The following CHST10 variants were observed in gnomAD, a reference collection of about 807,000 sequenced individuals.
CHST10 encodes the protein HNK-1 sulfotransferase.
CHST10 carries 24 observed loss-of-function variants against 34.7 expected under a neutral mutation model. That is an observed-to-expected ratio of 0.69 (90% CI 0.50 to 0.97). CHST10 has a LOEUF of 0.97. Ranked by LOEUF, CHST10 falls within the 50% of genes least tolerant of loss-of-function variation. The probability of loss-of-function intolerance (pLI) is 0.00; values close to 1 mark genes in which losing one functional copy is unlikely to be tolerated. For synonymous variants in CHST10, 161 were observed against 169.3 expected, an observed-to-expected ratio of 0.95 and a Z score of 0.38; for missense variants, 402 against 452.1, an observed-to-expected ratio of 0.89 and a Z score of 1.00.
At chr2:100,406,775 C>T (rs1212959501) in intron 2 of CHST10, 68 bp from the exon 3 acceptor site, 14 of 1,570,040 alleles carry the variant, frequency 8.9e-6, no homozygotes, top group South Asian at 5.8e-5. Flanking sequence ...GGAATGAAAA[C>T]GACAGGTGAT....
At chr2:100,406,533 G>C in intron 3 of CHST10, 43 bp downstream of exon 3, 6 of 1,611,250 alleles carry the variant, frequency 3.7e-6, no homozygotes, top group Non-Finnish European at 5.1e-6. Flanking sequence ...TTGCAGCTAG[G>C]TCTAAATTAG....
At chr2:100,398,390 T>C (rs1488549983) in intron 4 of CHST10, among the ~76,000 whole-genome samples, 1 of 150,804 alleles carries the variant, frequency 6.6e-6, no homozygotes, top group Non-Finnish European at 1.5e-5. Context: ...CCTCAGATCT[T>C]TGGAGAGAAG....
At chr2:100,402,111 A>G (rs890818282) in intron 4 of CHST10, among the ~76,000 whole-genome samples, 1 of 152,186 alleles carries the variant, frequency 6.6e-6, no homozygotes, top group African/African-American at 2.4e-5. Context: ...ACTCCATGGG[A>G]CTGTGGAGGA....
chr2:100,393,803 G>C, intron 6 of CHST10, 21 bp from the exon 7 acceptor site: 1 of 1,592,744 alleles, frequency 6.3e-7, no homozygotes, highest in Non-Finnish European at 8.5e-7. Context: ...AAACGAACAA[G>C]AGGTTAACTT....
intron 2 of CHST10, among the ~76,000 whole-genome samples, chr2:100,409,493 G>C (rs2104234814): frequency 6.6e-6 from 1 of 152,162 alleles, no homozygotes; most frequent in Admixed American, 6.5e-5. Context: ...GCTTCTTTCA[G>C]CTGGGCGGGG....
In CHST10 at chr2:100,393,241, T is replaced by C; in HGVS notation, c.*4A>G. 6.2e-7 allele frequency: 1 copy of C among 1,613,932 alleles called. No individual in the cohort carries two copies. The highest frequency in any genetic ancestry group is 1.7e-5 in the Admixed American group (1 of 59,980). On this transcript the variant is annotated 3_prime_UTR_variant, in exon 7 of 7. Coordinates refer to ENST00000264249, the MANE Select transcript of CHST10 (RefSeq NM_004854.5). ...AAGATATTTGAATTCATAGGTCTTA[T>C]GCATTAGTTTAGCAAAAAGTCTGGT...
chr2:100,413,080 A>G (rs543484410), intron 2 of CHST10, among the ~76,000 whole-genome samples: 9 of 152,250 alleles, frequency 5.9e-5, no homozygotes, highest in African/African-American at 2.2e-4. Flanking sequence ...AAGGCTCATT[A>G]TTTCTGTCTA....
intron 2 of CHST10, chr2:100,407,667 C>T (rs964173684): frequency 6.6e-6 from 1 of 152,204 alleles, no homozygotes; most frequent in Admixed American, 6.5e-5. Flanking sequence ...CTCTCCTTGT[C>T]TCAACATTTA....
In CHST10 at chr2:100,402,606, C is replaced by T. The variant is rs911227901; in HGVS notation, c.150G>A (p.Val50=). Residue 50 remains valine, a synonymous_variant, in exon 4 of 7, where the codon GTG becomes GTA. Transcript: ENST00000264249. ...TGTGCTTCTCTTCTGGCAACTTCCT[C>T]ACTTCCGGCATGGTTGTCAGGAACA... ...EFLFLTTMPE[V]RKLPEEKHIP... is the part of the protein sequence containing the mutation. 9 of 1,613,892 alleles carry T rather than the reference C, an allele frequency of 5.6e-6. No individual in the cohort carries two copies. Among genetic ancestry groups the T allele is most frequent in the Non-Finnish European group, 7.6e-6 (9 of 1,179,922 alleles).
intron 3 of CHST10, among the ~76,000 whole-genome samples, chr2:100,404,583 T>C (rs61057466): frequency 0.017 from 2,541 of 152,318 alleles, 20 homozygotes; most frequent in African/African-American, 0.03. Flanking sequence ...GGCCTACCCC[T>C]GCTTAGCTTC....
At chr2:100,417,057 C>G (rs1054269124) in intron 1 of CHST10, 40 of 1,304,078 alleles carry the variant, frequency 3.1e-5, no homozygotes, top group Non-Finnish European at 3.7e-5. Context: ...TGAACCCTTT[C>G]TTCCTCTCTC....
chr2:100,393,614 C>T lies in CHST10; in HGVS notation c.702G>A (p.Gly234=). The stretch of plus-strand genomic sequence containing the variant: ...AGCGCACGAAATCTTCAAACTGGAT[C>T]CCCCGGGTCTCTGTCCGGTTCCTCC... ...KYRRNRTETR[G]IQFEDFVRYL... is the part of the protein sequence containing the mutation. Residue 234 remains glycine (G), a synonymous_variant, in exon 7 of 7, where the codon GGG becomes GGA. Coordinates refer to ENST00000264249, the MANE Select transcript of CHST10 (RefSeq NM_004854.5). 1 of 1,614,146 alleles carries T rather than the reference C, an allele frequency of 6.2e-7. No individual in the cohort carries two copies. Among genetic ancestry groups the T allele is most frequent in the Non-Finnish European group, 8.5e-7 (1 of 1,180,020 alleles).
At chr2:100,411,821 T>C (rs1367083493) in intron 2 of CHST10, among the ~76,000 whole-genome samples, 1 of 152,044 alleles carries the variant, frequency 6.6e-6, no homozygotes, top group Non-Finnish European at 1.5e-5. Flanking sequence ...CATGGTGCTG[T>C]GGGGAGAAAA....
intron 3 of CHST10, among the ~76,000 whole-genome samples, chr2:100,405,812 TG>T (rs1431976388): frequency 6.6e-6 from 1 of 152,174 alleles, no homozygotes; most frequent in Non-Finnish European, 1.5e-5. Flanking sequence ...CGTGCTTGCC[TG>T]CTTGGCCACT....
At chr2:100,415,982 G>T (rs1676051212) in intron 1 of CHST10, 1 of 152,170 alleles carries the variant, frequency 6.6e-6, no homozygotes, top group South Asian at 2.1e-4. Flanking sequence ...TAATACAATG[G>T]TAAGTATTTG....
chr2:100,401,090 A>C (rs976988792), intron 4 of CHST10, among the ~76,000 whole-genome samples: 1 of 152,220 alleles, frequency 6.6e-6, no homozygotes, highest in African/African-American at 2.4e-5. Context: ...ATGTGGCCTC[A>C]GCGGACATCA....
At chr2:100,407,123 G>A (rs1675613422) in intron 2 of CHST10, among the ~76,000 whole-genome samples, 1 of 152,198 alleles carries the variant, frequency 6.6e-6, no homozygotes, top group African/African-American at 2.4e-5. Flanking sequence ...CATTCATAGT[G>A]GGCAGAAGCC....
At position 100,401,040 on chromosome 2, in the gene CHST10, G is replaced by A. The variant is rs952868143; in HGVS notation, c.192+1524C>T. 3.9e-5 allele frequency among the ~76,000 whole-genome samples: 6 copies of A among 152,232 alleles called. No homozygotes were observed. The East Asian group carries it at 1.2e-3, about 29-fold the overall frequency. The stretch of plus-strand genomic sequence containing the variant: ...ATCATGTTGATAAATCCCCTTTCTT[G>A]TGAGAAGACACATGCTGAGTTTTGG... On this transcript the variant is annotated intron_variant, in intron 4 of 6. Transcript: ENST00000264249.
intron 2 of CHST10, among the ~76,000 whole-genome samples, chr2:100,411,981 C>G (rs1675862714): frequency 6.6e-6 from 1 of 152,188 alleles, no homozygotes; most frequent in Non-Finnish European, 1.5e-5. Flanking sequence ...GAGGCAGATG[C>G]AGGCCAGACA....
Sources: allele counts gnomAD v4.1 joint callset (sites outside exome capture counted in the v4.1 genomes callset), GRCh38; gene constraint gnomAD v4.1.1; transcripts MANE v1.5; gene names NCBI Gene and HGNC (gene_info 2026-07-23, HGNC 2026-07-21).